The following SLC44A5 variants were observed in gnomAD, a reference collection of about 807,000 sequenced individuals.
The protein encoded by SLC44A5 is solute carrier family 44 member 5.
SLC44A5 carries 57 observed loss-of-function variants against 101.8 expected under a neutral mutation model. The observed-to-expected ratio is 0.56, with a 90% confidence interval of 0.45 to 0.70. SLC44A5 has a LOEUF of 0.70. Ranked by LOEUF, SLC44A5 falls within the 30% of genes least tolerant of loss-of-function variation. The pLI, the probability that SLC44A5 is intolerant of heterozygous loss-of-function variation, is 0.00. For synonymous variants in SLC44A5, 281 were observed against 290.9 expected (o/e 0.97, Z 0.35); for missense variants, 737 against 853.1 (o/e 0.86, Z 1.70).
intron 6 of SLC44A5, among the ~76,000 whole-genome samples, chr1:75,253,969 C>A (rs1649793986): frequency 6.6e-6 from 1 of 151,958 alleles, no homozygotes; most frequent in South Asian, 2.1e-4. Context: ...TTAGAATCAT[C>A]ATTAGTATTT....
intron 2 of SLC44A5, among the ~76,000 whole-genome samples, chr1:75,399,855 T>A (rs1201989460): frequency 2.6e-5 from 4 of 152,204 alleles, no homozygotes; most frequent in Non-Finnish European, 5.9e-5. Flanking sequence ...AATCTACAGA[T>A]CTTTTTACAA....
At chr1:75,319,623 G>A (rs1437332212) in intron 4 of SLC44A5, among the ~76,000 whole-genome samples, 1 of 152,158 alleles carries the variant, frequency 6.6e-6, no homozygotes. Context: ...CAAGAGGCAA[G>A]ACTATGACGG....
At chr1:75,270,945 T>C (rs1651415967) in intron 6 of SLC44A5, among the ~76,000 whole-genome samples, 2 of 152,106 alleles carry the variant, frequency 1.3e-5, no homozygotes. Flanking sequence ...AAAAACAAAC[T>C]GTCTTAAAGA....
chr1:75,639,929 G>C, the SLC44A5 span, among the ~76,000 whole-genome samples: 11,648 of 151,874 alleles, frequency 0.077, 1,510 homozygotes, highest in African/African-American at 0.27. Context: ...TGCTTGATTT[G>C]TTAACTTTTC....
intron 2 of SLC44A5, among the ~76,000 whole-genome samples, chr1:75,476,226 A>G (rs1048849186): frequency 2.6e-5 from 4 of 152,148 alleles, no homozygotes; most frequent in African/African-American, 9.7e-5. Flanking sequence ...TATCAAGATT[A>G]ACAAGGTAGA....
At chr1:75,543,686 C>T (rs1671487550) in intron 1 of SLC44A5, among the ~76,000 whole-genome samples, 1 of 29,838 alleles carries the variant, frequency 3.4e-5, no homozygotes, top group Non-Finnish European at 6.1e-5. Context: ...CATATATATA[C>T]ACATATATAT....
chr1:75,603,011 G>T (rs1032801705), intron 1 of SLC44A5, among the ~76,000 whole-genome samples: 3 of 151,746 alleles, frequency 2.0e-5, no homozygotes, highest in Non-Finnish European at 2.9e-5. Context: ...GATTCAGGGG[G>T]TACATATACA....
chr1:75,410,285 T>C (rs914242251), intron 2 of SLC44A5, among the ~76,000 whole-genome samples: 1 of 152,098 alleles, frequency 6.6e-6, no homozygotes, highest in South Asian at 2.1e-4. Flanking sequence ...AAGGATAGAC[T>C]TGGCCATAAT....
intron 3 of SLC44A5, among the ~76,000 whole-genome samples, chr1:75,361,253 C>G (rs987697602): frequency 3.9e-5 from 6 of 152,102 alleles, no homozygotes; most frequent in African/African-American, 1.4e-4. Context: ...ATGTCATTAG[C>G]AAGCAGACAA....
At chr1:75,373,240 A>G (rs1660346830) in intron 3 of SLC44A5, among the ~76,000 whole-genome samples, 1 of 152,162 alleles carries the variant, frequency 6.6e-6, no homozygotes, top group African/African-American at 2.4e-5. Context: ...CCAAAAATCG[A>G]TAGGGAGGTG....
At chr1:75,539,109 G>A (rs1204608881) in intron 2 of SLC44A5, among the ~76,000 whole-genome samples, 1 of 152,130 alleles carries the variant, frequency 6.6e-6, no homozygotes, top group Non-Finnish European at 1.5e-5. Context: ...ATCCCCTGAC[G>A]AATTCAAGAG....
At chr1:75,478,817 C>A (rs544915648) in intron 2 of SLC44A5, among the ~76,000 whole-genome samples, 6 of 152,092 alleles carry the variant, frequency 3.9e-5, no homozygotes, top group Admixed American at 2.6e-4. Flanking sequence ...CTTTAACACC[C>A]CACTGTCAAC....
intron 2 of SLC44A5, among the ~76,000 whole-genome samples, chr1:75,503,417 G>A (rs966838158): frequency 6.6e-6 from 1 of 152,018 alleles, no homozygotes; most frequent in African/African-American, 2.4e-5. Flanking sequence ...TTAAAAGTGT[G>A]TAACACTTCC....
Position 75,324,644 on chromosome 1 carries a change from C to T in SLC44A5, c.101+14938G>A, listed in dbSNP as rs558647848. 3.9e-5 allele frequency among the ~76,000 whole-genome samples: 6 copies of T among 152,210 alleles called. No individual in the cohort carries two copies. In the South Asian group the frequency reaches 6.2e-4, roughly 16 times the overall value. ...ACAAACACATTTATGGGCAATTGCT[C>T]CAGTCTGAAGGCTGCAAGTTTATTG... On this transcript the variant is annotated intron_variant, in intron 4 of 23. Transcript: ENST00000370859.
intron 2 of SLC44A5, among the ~76,000 whole-genome samples, chr1:75,488,375 TA>T (rs1668264365): frequency 6.6e-6 from 1 of 152,056 alleles, no homozygotes; most frequent in African/African-American, 2.4e-5. Context: ...ACACTGTAGG[TA>T]ATTGGAACAC....
At chr1:75,407,194 T>C in intron 2 of SLC44A5, among the ~76,000 whole-genome samples, 1 of 151,976 alleles carries the variant, frequency 6.6e-6, no homozygotes, top group East Asian at 1.9e-4. Context: ...AAACCACTGC[T>C]CAAGGAAACA....
chr1:75,262,182 G>C (rs1006004310), intron 6 of SLC44A5, among the ~76,000 whole-genome samples: 1 of 152,188 alleles, frequency 6.6e-6, no homozygotes, highest in Non-Finnish European at 1.5e-5. Context: ...AGTATGAAAA[G>C]AGGAAGTCAA....
intron 5 of SLC44A5, among the ~76,000 whole-genome samples, chr1:75,297,604 G>T (rs1654065446): frequency 6.6e-6 from 1 of 152,280 alleles, no homozygotes; most frequent in South Asian, 2.1e-4. Flanking sequence ...AAAATTTATT[G>T]AATGTTAAAA....
At chr1:75,435,062 T>G (rs1664811169) in intron 2 of SLC44A5, among the ~76,000 whole-genome samples, 1 of 152,130 alleles carries the variant, frequency 6.6e-6, no homozygotes, top group African/African-American at 2.4e-5. Context: ...AAAGATTCAA[T>G]AAAGGATTAC....
Sources: allele counts gnomAD v4.1 joint callset (sites outside exome capture counted in the v4.1 genomes callset), GRCh38; gene constraint gnomAD v4.1.1; transcripts MANE v1.5; gene names NCBI Gene and HGNC (gene_info 2026-07-23, HGNC 2026-07-21).